The following FGD6 variants were observed in gnomAD, a reference collection of about 807,000 sequenced individuals.
The protein encoded by FGD6 is FYVE, RhoGEF and PH domain containing 6.
FGD6 carries 90 observed loss-of-function variants against 149.4 expected under a neutral mutation model. The observed-to-expected ratio is 0.60, with a 90% CI of 0.51 to 0.72. The LOEUF (loss-of-function observed/expected upper bound fraction) is 0.72. Among genes scored for constraint, FGD6 ranks in the 30% least tolerant of loss-of-function variants. FGD6 has a pLI of 0.00. For missense variants in FGD6, 1,437 were observed against 1,684.8 expected (o/e 0.85, Z 2.57); for synonymous variants, 527 against 584.0 (o/e 0.90, Z 1.41).
intron 14 of FGD6, among the ~76,000 whole-genome samples, chr12:95,096,973 G>A (rs981223051): frequency 1.3e-5 from 2 of 152,198 alleles, no homozygotes; most frequent in Admixed American, 6.5e-5. Flanking sequence ...GTAAATTTGA[G>A]AATTGCTGTT....
intron 2 of FGD6, among the ~76,000 whole-genome samples, chr12:95,208,517 C>T (rs188260188): frequency 1.8e-4 from 28 of 152,206 alleles, no homozygotes; most frequent in African/African-American, 6.7e-4. Flanking sequence ...CAATTTCCTG[C>T]CCCAGGTTTC....
chr12:95,192,101 T>C (rs751904415), intron 2 of FGD6, among the ~76,000 whole-genome samples: 3 of 152,228 alleles, frequency 2.0e-5, no homozygotes, highest in Non-Finnish European at 4.4e-5. Context: ...ATAGTTGTTA[T>C]ATTATTTAGG....
chr12:95,086,977 A>G (rs1592823981), intron 18 of FGD6, among the ~76,000 whole-genome samples: 1 of 150,946 alleles, frequency 6.6e-6, no homozygotes, highest in Non-Finnish European at 1.5e-5. Context: ...CCTCCCGAGT[A>G]GCTGGGATTA....
In FGD6 at chr12:95,107,562, C is replaced by G; in HGVS notation, c.3333+1G>C. The G allele has an allele frequency of 6.2e-7, 1 of 1,613,958 alleles. No homozygotes were observed. Among genetic ancestry groups the G allele is most frequent in the Non-Finnish European group, 8.5e-7 (1 of 1,179,998 alleles). On this transcript the variant is annotated splice_donor_variant, in intron 12 of 20. Coordinates refer to ENST00000343958, the MANE Select transcript of FGD6 (RefSeq NM_018351.4). LOFTEE classifies it high-confidence loss of function. ...CATCAGAACTACACAAGTCCTCTTA[C>G]CAGGAAAAACATTCGAGGTTGCATC...
At chr12:95,099,686 C>T (rs1878357724) in intron 14 of FGD6, among the ~76,000 whole-genome samples, 1 of 152,170 alleles carries the variant, frequency 6.6e-6, no homozygotes, top group Admixed American at 6.5e-5. Context: ...TGGGCACTCA[C>T]TACCTGGCTG....
chr12:95,176,840 A>AT (rs1348071414), intron 2 of FGD6, among the ~76,000 whole-genome samples: 1 of 151,954 alleles, frequency 6.6e-6, no homozygotes, highest in African/African-American at 2.4e-5. Context: ...TTTTATTATT[A>AT]TTTTTTGAGA....
intron 1 of FGD6, among the ~76,000 whole-genome samples, chr12:95,212,603 T>C (rs1271797910): frequency 6.6e-6 from 1 of 152,230 alleles, no homozygotes; most frequent in Admixed American, 6.5e-5. Flanking sequence ...TACATTTATA[T>C]TTGTTCGTTT....
chr12:95,214,129 A>T (rs2056741008), intron 1 of FGD6, among the ~76,000 whole-genome samples: 1 of 152,226 alleles, frequency 6.6e-6, no homozygotes, highest in African/African-American at 2.4e-5. Flanking sequence ...TCAGCATAAG[A>T]CACAAGCTCC....
chr12:95,119,997 G>A (rs1208322218), intron 8 of FGD6, among the ~76,000 whole-genome samples: 1 of 152,122 alleles, frequency 6.6e-6, no homozygotes, highest in East Asian at 1.9e-4. Context: ...TTGGGAGGCT[G>A]AGGCGGGAGG....
At chr12:95,150,188 C>G (rs557667000) in intron 5 of FGD6, among the ~76,000 whole-genome samples, 2 of 151,686 alleles carry the variant, frequency 1.3e-5, no homozygotes, top group Non-Finnish European at 2.9e-5. Flanking sequence ...CCACCACGCC[C>G]GGCTAATTTT....
chr12:95,213,757 C>G lies in FGD6; in HGVS notation c.17-2490G>C, dbSNP rs115021712. Among the ~76,000 whole-genome samples, 852 of 152,292 alleles carry G rather than the reference C, an allele frequency of 5.6e-3. 10 individuals are homozygous for G. The highest frequency in any genetic ancestry group is 0.02 in the African/African-American group (819 of 41,560). On this transcript the variant is annotated intron_variant, in intron 1 of 20. Coordinates refer to ENST00000343958, the MANE Select transcript of FGD6 (RefSeq NM_018351.4). ...TCTAGTGTCACAGAAATTCAATTAACTACGTATGTGCTGGAGTTGATTCCC... is the reference window on the plus strand; with the variant it reads ...TCTAGTGTCACAGAAATTCAATTAAGTACGTATGTGCTGGAGTTGATTCCC...
chr12:95,206,378 G>A (rs902237301), intron 2 of FGD6, among the ~76,000 whole-genome samples: 1 of 152,038 alleles, frequency 6.6e-6, no homozygotes, highest in Non-Finnish European at 1.5e-5. Context: ...CCTGAAAACA[G>A]ACAATTTGAA....
At chr12:95,216,556 C>T (rs1177959025) in intron 1 of FGD6, among the ~76,000 whole-genome samples, 1 of 148,800 alleles carries the variant, frequency 6.7e-6, no homozygotes. Context: ...AAGATAGAGG[C>T]TTTGTCATTT....
At chr12:95,192,430 G>T (rs897044594) in intron 2 of FGD6, among the ~76,000 whole-genome samples, 4 of 152,198 alleles carry the variant, frequency 2.6e-5, no homozygotes, top group African/African-American at 9.7e-5. Context: ...AACAGGATAT[G>T]CCAGGCAATA....
chr12:95,169,403 G>C (rs1449283487), intron 3 of FGD6, among the ~76,000 whole-genome samples: 1 of 151,566 alleles, frequency 6.6e-6, no homozygotes, highest in African/African-American at 2.4e-5. Flanking sequence ...AAAAAAAAAG[G>C]ATAAAAATTT....
At chr12:95,110,554 C>T (rs943597268) in intron 9 of FGD6, among the ~76,000 whole-genome samples, 1 of 151,752 alleles carries the variant, frequency 6.6e-6, no homozygotes, top group Non-Finnish European at 1.5e-5. Context: ...CGGGGTTTCG[C>T]CATGTTGGCA....
At chr12:95,108,282 A>T (rs1366977607) in intron 11 of FGD6, 66 bp downstream of exon 11, 9 of 1,383,214 alleles carry the variant, frequency 6.5e-6, no homozygotes, top group Middle Eastern at 2.5e-4. Flanking sequence ...ATAAAATGAT[A>T]AACAGATACA....
chr12:95,167,169 G>C (rs117236872), intron 3 of FGD6, among the ~76,000 whole-genome samples: 7,010 of 152,086 alleles, frequency 0.046, 243 homozygotes, highest in East Asian at 0.15. Context: ...CTACTTTTTT[G>C]ACTATTATGA....
At chr12:95,125,791 G>T in intron 8 of FGD6, 1 of 763,714 alleles carries the variant, frequency 1.3e-6, no homozygotes, top group South Asian at 1.4e-5. Flanking sequence ...GAGGTTGGCT[G>T]GGCAACCTAC....
Sources: allele counts gnomAD v4.1 joint callset (sites outside exome capture counted in the v4.1 genomes callset), GRCh38; gene constraint gnomAD v4.1.1; transcripts MANE v1.5; gene names NCBI Gene and HGNC (gene_info 2026-07-23, HGNC 2026-07-21).